CSF1R: variants seen among roughly 807,000 people sequenced by gnomAD.
CSF1R encodes macrophage colony-stimulating factor 1 receptor.
CSF1R carries 40 observed loss-of-function variants against 110.0 expected under a neutral mutation model. That is an observed-to-expected ratio of 0.36 (90% CI 0.28 to 0.47). The LOEUF (loss-of-function observed/expected upper bound fraction) is 0.47, where lower values mean the gene tolerates loss of function less well. Ranked by LOEUF, CSF1R falls within the 20% of genes least tolerant of loss-of-function variation. CSF1R has a pLI of 0.99. For missense variants in CSF1R, 1,052 were observed against 1,253.0 expected (o/e 0.84, Z 2.42); for synonymous variants, 523 against 503.4 (o/e 1.04, Z -0.52).
intron 10 of CSF1R, among the ~76,000 whole-genome samples, chr5:150,067,829 C>T (rs571239293): frequency 6.6e-6 from 1 of 152,312 alleles, no homozygotes; most frequent in East Asian, 1.9e-4. Context: ...GCCTCTCACT[C>T]TATAATCCAT....
At chr5:150,059,162 A>G (rs1757383231) in intron 14 of CSF1R, among the ~76,000 whole-genome samples, 2 of 152,184 alleles carry the variant, frequency 1.3e-5, no homozygotes, top group African/African-American at 4.8e-5. Context: ...CTCCCGCCTC[A>G]GCCTCCCGAG....
chr5:150,098,403 A>T (rs1417008040), intron 1 of CSF1R: 1 of 152,646 alleles, frequency 6.6e-6, no homozygotes, highest in Non-Finnish European at 1.5e-5. Flanking sequence ...AGAAAAAAAA[A>T]TAGGCTGTCT....
chr5:150,099,315 AC>A (rs1461989148), intron 1 of CSF1R, among the ~76,000 whole-genome samples: 1 of 151,996 alleles, frequency 6.6e-6, no homozygotes, highest in Admixed American at 6.5e-5. Context: ...TAAAAAGGAA[AC>A]TTTTACCATA....
intron 6 of CSF1R, among the ~76,000 whole-genome samples, chr5:150,072,676 C>G (rs1342955800): frequency 2.0e-5 from 3 of 151,958 alleles, no homozygotes; most frequent in African/African-American, 7.3e-5. Context: ...AAAAAGATTT[C>G]TAAAATGTGT....
chr5:150,079,846 T>G (rs1011976558), intron 3 of CSF1R, among the ~76,000 whole-genome samples: 2 of 152,250 alleles, frequency 1.3e-5, no homozygotes, highest in Non-Finnish European at 1.5e-5. Context: ...CTGAGTTATT[T>G]GCTCACATGT....
intron 1 of CSF1R, among the ~76,000 whole-genome samples, chr5:150,102,604 C>T (rs1045113018): frequency 5.3e-5 from 8 of 152,120 alleles, no homozygotes; most frequent in African/African-American, 1.9e-4. Context: ...CTCAGCCTCC[C>T]GAGTAGCTGG....
intron 1 of CSF1R, among the ~76,000 whole-genome samples, chr5:150,105,736 C>A (rs1759535868): frequency 6.6e-6 from 1 of 152,124 alleles, no homozygotes; most frequent in Non-Finnish European, 1.5e-5. Context: ...GTTGCTCCAG[C>A]TGGTCTCAAA....
intron 10 of CSF1R, among the ~76,000 whole-genome samples, chr5:150,066,844 G>A (rs1363276640): frequency 6.6e-6 from 1 of 152,064 alleles, no homozygotes. Flanking sequence ...ACAGGGTGGG[G>A]TCCAACCCTT....
At chr5:150,054,695 G>T (rs898051443) in intron 19 of CSF1R, 1 of 425,950 alleles carries the variant, frequency 2.3e-6, no homozygotes, top group East Asian at 4.0e-5. Flanking sequence ...TCTCTTAAAA[G>T]TCTGTTTAGG....
Position 150,061,781 on chromosome 5 carries a change from G to A in CSF1R, c.1695C>T (p.Asp565=), listed in dbSNP as rs1185867626. 1.2e-6 allele frequency: 2 copies of A among 1,614,228 alleles called. No individual in the cohort carries two copies. Among genetic ancestry groups the A allele is most frequent in the African/African-American group, 1.3e-5 (1 of 75,054 alleles). Residue 565 remains aspartate, a synonymous_variant, in exon 11 of 21, where the codon GAC becomes GAT. Coordinates refer to ENST00000675795, the MANE Select transcript of CSF1R (RefSeq NM_001288705.3). ...TCTCGTTGTAAGGCAGCTGCGTGGGGTCGATGAAAGTATAACTGTTGCCCT... is the reference window on the plus strand; with the variant it reads ...TCTCGTTGTAAGGCAGCTGCGTGGGATCGATGAAAGTATAACTGTTGCCCT... The part of the protein sequence containing the change: ...SYEGNSYTFI[D]PTQLPYNEKW...
In CSF1R at chr5:150,056,173, C is replaced by A. The variant is rs762801851; in HGVS notation, c.2443-36G>T. Reference sequence around the variant, plus strand: ...AGTCCCCAGTTATTTTGGGCCCCGACTCTTCACCCCCTCCCCAGCCTGGCC... The same window carrying A: ...AGTCCCCAGTTATTTTGGGCCCCGAATCTTCACCCCCTCCCCAGCCTGGCC... On this transcript the variant is annotated intron_variant, in intron 17 of 20. Transcript: ENST00000675795. The A allele has an allele frequency of 5.0e-6, 8 of 1,614,028 alleles. No homozygotes were observed. In the African/African-American group the frequency reaches 8.0e-5, roughly 16 times the overall value.
intron 1 of CSF1R, among the ~76,000 whole-genome samples, chr5:150,100,399 G>A (rs893645544): frequency 1.9e-4 from 27 of 145,592 alleles, no homozygotes; most frequent in Middle Eastern, 7.4e-3. Flanking sequence ...CCGGGTTCAC[G>A]CCATTCTCCT....
intron 1 of CSF1R, among the ~76,000 whole-genome samples, chr5:150,111,290 G>A (rs528492360): frequency 1.3e-5 from 2 of 152,180 alleles, no homozygotes; most frequent in African/African-American, 2.4e-5. Context: ...GTGGGGTGGC[G>A]GAAGAATTGT....
intron 1 of CSF1R, among the ~76,000 whole-genome samples, chr5:150,106,838 C>A (rs1313855143): frequency 6.6e-6 from 1 of 152,216 alleles, no homozygotes; most frequent in Non-Finnish European, 1.5e-5. Context: ...GCCCATAAGC[C>A]TCCCTTTGCC....
chr5:150,083,172 G>A (rs1476010772), intron 1 of CSF1R, among the ~76,000 whole-genome samples: 1 of 151,906 alleles, frequency 6.6e-6, no homozygotes, highest in Non-Finnish European at 1.5e-5. Context: ...TCGGGGTGGG[G>A]GCATGGGCTT....
intron 10 of CSF1R, among the ~76,000 whole-genome samples, chr5:150,066,004 A>G (rs1208056823): frequency 6.6e-6 from 1 of 152,250 alleles, no homozygotes; most frequent in East Asian, 1.9e-4. Context: ...AGAACTTTGC[A>G]AACATTGGAG....
chr5:150,061,619 A>T (rs377032498), intron 11 of CSF1R, 24 bp from the exon 12 acceptor site: 11 of 1,613,906 alleles, frequency 6.8e-6, no homozygotes, highest in Non-Finnish European at 7.6e-6. Context: ...AGGTCCCTTA[A>T]GTCCCTGGGC....
At chr5:150,055,430 C>T (rs1042444161) in intron 18 of CSF1R, 94 bp from the exon 19 acceptor site, 4 of 1,044,360 alleles carry the variant, frequency 3.8e-6, no homozygotes, top group Non-Finnish European at 5.9e-6. Context: ...TTAAAGGGTC[C>T]CACTTGACAA....
intron 19 of CSF1R, 133 bp downstream of exon 19, chr5:150,055,104 G>A: frequency 1.4e-6 from 1 of 712,894 alleles, no homozygotes; most frequent in Non-Finnish European, 2.4e-6. Context: ...GGCTTGTTGT[G>A]TCCACTATGG....
Sources: gnomAD v4.1 joint callset for allele counts (sites outside exome capture counted in the v4.1 genomes callset) on GRCh38, gnomAD v4.1.1 for gene constraint, MANE v1.5 for transcripts, NCBI Gene and HGNC (gene_info 2026-07-23, HGNC 2026-07-21) for gene names.